Variants in SMYD3 observed in about 807,000 individuals in gnomAD.
The protein encoded by SMYD3 is histone-lysine N-methyltransferase SMYD3.
In SMYD3, 36 loss-of-function variants were observed where a neutral mutation model predicts 57.7. The ratio of observed to expected loss-of-function variants is 0.62; its 90% CI spans 0.48 to 0.82. SMYD3 has a LOEUF of 0.82. Among genes scored for constraint, SMYD3 ranks in the 40% least tolerant of loss-of-function variants. The pLI, the probability that SMYD3 is intolerant of heterozygous loss-of-function variation, is 0.00. For synonymous variants in SMYD3, 211 were observed against 195.0 expected, an observed-to-expected ratio of 1.08 and a Z score of -0.68; for missense variants, 515 against 538.8, an observed-to-expected ratio of 0.96 and a Z score of 0.44.
intron 5 of SMYD3, among the ~76,000 whole-genome samples, chr1:246,143,230 C>T (rs2061790049): frequency 6.6e-6 from 1 of 152,066 alleles, no homozygotes; most frequent in African/African-American, 2.4e-5. Context: ...AGGATAGGGA[C>T]TCTTAGTGAA....
intron 5 of SMYD3, among the ~76,000 whole-genome samples, chr1:246,238,090 G>A (rs893454737): frequency 1.1e-4 from 16 of 151,942 alleles, no homozygotes; most frequent in Non-Finnish European, 1.0e-4. Flanking sequence ...TTAAGACAAG[G>A]TCTGGCTCTG....
At chr1:246,332,912 A>C (rs533614320) in intron 3 of SMYD3, among the ~76,000 whole-genome samples, 1 of 152,344 alleles carries the variant, frequency 6.6e-6, no homozygotes, top group East Asian at 1.9e-4. Flanking sequence ...AAAATAATTG[A>C]ATTTGGCTAC....
intron 1 of SMYD3, among the ~76,000 whole-genome samples, chr1:246,433,729 T>A (rs1331623579): frequency 3.9e-5 from 6 of 152,264 alleles, no homozygotes; most frequent in Admixed American, 2.6e-4. Flanking sequence ...ACGCTATGCC[T>A]ATCAAACTAC....
intron 10 of SMYD3, among the ~76,000 whole-genome samples, chr1:245,812,701 C>CAAAAAAA (rs10636374): frequency 7.6e-6 from 1 of 130,942 alleles, no homozygotes; most frequent in African/African-American, 2.9e-5. Flanking sequence ...ACAACAGTTC[C>CAAAAAAA]AAAAAAAAAA....
chr1:246,020,944 G>A (rs993657272), intron 5 of SMYD3, among the ~76,000 whole-genome samples: 3 of 152,162 alleles, frequency 2.0e-5, no homozygotes, highest in African/African-American at 7.2e-5. Flanking sequence ...CTACCTGCAT[G>A]AGCATGTACC....
chr1:246,127,339 T>C (rs1423191495), intron 5 of SMYD3, among the ~76,000 whole-genome samples: 1 of 152,078 alleles, frequency 6.6e-6, no homozygotes, highest in African/African-American at 2.4e-5. Flanking sequence ...AACTTTTTTG[T>C]CAATAACTTC....
At position 246,469,983 on chromosome 1, in the gene SMYD3, C is replaced by G. The variant is rs1172283295; in HGVS notation, c.164+37071G>C. The stretch of plus-strand genomic sequence containing the variant: ...AGAACAACACAGTATCACACATACA[C>G]TACATAAATACTGTCTTATGTAATA... On this transcript the variant is annotated intron_variant, in intron 1 of 11. Coordinates refer to ENST00000490107, the MANE Select transcript of SMYD3 (RefSeq NM_001167740.2). Among the ~76,000 whole-genome samples the G allele has an allele frequency of 5.3e-5, 8 of 152,320 alleles. No homozygotes were observed. In the East Asian group the frequency reaches 1.5e-3, roughly 29 times the overall value.
chr1:246,008,058 A>G (rs922500542), intron 5 of SMYD3, among the ~76,000 whole-genome samples: 3 of 152,228 alleles, frequency 2.0e-5, no homozygotes, highest in African/African-American at 7.2e-5. Flanking sequence ...AAGAAAGACT[A>G]CTGTCCTACG....
Position 246,180,620 on chromosome 1 carries a change from G to A in SMYD3, c.531+146581C>T, listed in dbSNP as rs111968976. 1.6e-3 allele frequency among the ~76,000 whole-genome samples: 243 copies of A among 151,132 alleles called. 1 individual carries two copies. Among genetic ancestry groups the A allele is most frequent in the African/African-American group, 5.5e-3 (225 of 41,272 alleles). ...AAAATACAAAAAAAGTTAGCTGGGAGTGGTGGTGGATGCCTGTAGTCCCAG... is the reference window on the plus strand; with the variant it reads ...AAAATACAAAAAAAGTTAGCTGGGAATGGTGGTGGATGCCTGTAGTCCCAG... On this transcript the variant is annotated intron_variant, in intron 5 of 11. Transcript: ENST00000490107.
At chr1:246,359,100 C>T (rs2065951367) in intron 1 of SMYD3, among the ~76,000 whole-genome samples, 1 of 151,922 alleles carries the variant, frequency 6.6e-6, no homozygotes, top group Non-Finnish European at 1.5e-5. Context: ...AGAGAAGATC[C>T]AAATAAGCTC....
chr1:246,199,438 G>C (rs1041888335), intron 5 of SMYD3, among the ~76,000 whole-genome samples: 34 of 152,214 alleles, frequency 2.2e-4, no homozygotes, highest in African/African-American at 8.0e-4. Flanking sequence ...GCATCTGCTT[G>C]TGGAATTATT....
intron 1 of SMYD3, among the ~76,000 whole-genome samples, chr1:246,471,490 C>G (rs946325947): frequency 6.6e-6 from 1 of 152,232 alleles, no homozygotes; most frequent in Non-Finnish European, 1.5e-5. Flanking sequence ...AGCCACCATG[C>G]CTGGCCCCAT....
At chr1:245,764,013 G>T in intron 11 of SMYD3, 28 bp downstream of exon 11, 5 of 1,547,116 alleles carry the variant, frequency 3.2e-6, no homozygotes, top group African/African-American at 1.4e-5. Flanking sequence ...ATGCCAGGCA[G>T]AACTATGTGA....
intron 1 of SMYD3, among the ~76,000 whole-genome samples, chr1:246,370,202 A>T (rs1278380136): frequency 6.6e-6 from 1 of 152,226 alleles, no homozygotes; most frequent in Non-Finnish European, 1.5e-5. Context: ...GCATCATCGC[A>T]TAACGTCCCG....
chr1:246,257,252 G>C (rs10924640), intron 5 of SMYD3, among the ~76,000 whole-genome samples: 12,864 of 152,188 alleles, frequency 0.085, 729 homozygotes, highest in East Asian at 0.21. Flanking sequence ...AGTGACAGTG[G>C]GGTGTTGAAT....
chr1:246,370,819 T>C (rs2066181613), intron 1 of SMYD3, among the ~76,000 whole-genome samples: 1 of 152,210 alleles, frequency 6.6e-6, no homozygotes, highest in South Asian at 2.1e-4. Flanking sequence ...ATACCACTTT[T>C]TGAAACCCAC....
At chr1:246,072,266 C>T (rs2060467223) in intron 5 of SMYD3, among the ~76,000 whole-genome samples, 1 of 141,670 alleles carries the variant, frequency 7.1e-6, no homozygotes. Flanking sequence ...CGTGTGCTTT[C>T]CACTGTGCTC....
chr1:246,029,143 A>G (rs912571928), intron 5 of SMYD3, among the ~76,000 whole-genome samples: 4 of 152,230 alleles, frequency 2.6e-5, no homozygotes, highest in Non-Finnish European at 4.4e-5. Flanking sequence ...ACTTCAGGAC[A>G]TTGGTCTAGG....
intron 5 of SMYD3, among the ~76,000 whole-genome samples, chr1:246,065,413 G>C (rs1156959079): frequency 6.6e-6 from 1 of 152,186 alleles, no homozygotes; most frequent in East Asian, 1.9e-4. Context: ...CAGTTTACTA[G>C]AGATGCTCAC....
Sources: allele counts gnomAD v4.1 joint callset (sites outside exome capture counted in the v4.1 genomes callset), GRCh38; gene constraint gnomAD v4.1.1; transcripts MANE v1.5; gene names NCBI Gene and HGNC (gene_info 2026-07-23, HGNC 2026-07-21).